CLSTN2: variants seen among roughly 807,000 people sequenced by gnomAD.
CLSTN2 encodes the protein calsyntenin 2.
In CLSTN2, 48 loss-of-function variants were observed where a neutral mutation model predicts 101.2. The ratio of observed to expected loss-of-function variants is 0.47; its 90% CI spans 0.38 to 0.60. CLSTN2 has a LOEUF of 0.60. CLSTN2 is among the 20% of genes least tolerant of loss of function. CLSTN2 has a pLI of 0.00. For synonymous variants in CLSTN2, 481 were observed against 463.6 expected, an observed-to-expected ratio of 1.04 and a Z score of -0.48; for missense variants, 1,160 against 1,238.2, an observed-to-expected ratio of 0.94 and a Z score of 0.95.
intron 2 of CLSTN2, among the ~76,000 whole-genome samples, chr3:140,256,664 G>A (rs901591601): frequency 2.0e-5 from 3 of 152,224 alleles, no homozygotes; most frequent in African/African-American, 7.2e-5. Flanking sequence ...TAGGAAAGGA[G>A]TGTTCCTCAA....
chr3:139,950,241 A>G (rs985343289), intron 1 of CLSTN2, among the ~76,000 whole-genome samples: 2 of 152,154 alleles, frequency 1.3e-5, no homozygotes, highest in South Asian at 2.1e-4. Context: ...GGCACTCTAC[A>G]TGGGGAAATA....
chr3:140,120,258 G>A (rs973937114), intron 1 of CLSTN2, among the ~76,000 whole-genome samples: 26 of 152,128 alleles, frequency 1.7e-4, no homozygotes, highest in East Asian at 3.9e-4. Context: ...TTTGGATGCC[G>A]TTAATTTGTT....
intron 1 of CLSTN2, among the ~76,000 whole-genome samples, chr3:140,006,189 G>A (rs2006949871): frequency 6.6e-6 from 1 of 152,162 alleles, no homozygotes; most frequent in Admixed American, 6.5e-5. Context: ...ATATTTATGA[G>A]CAGATGAATA....
At chr3:140,109,423 TG>T (rs1299042319) in intron 1 of CLSTN2, among the ~76,000 whole-genome samples, 3 of 152,104 alleles carry the variant, frequency 2.0e-5, no homozygotes, top group Non-Finnish European at 4.4e-5. Context: ...GTGCTCTAAT[TG>T]GGAGAGGTGC....
In CLSTN2 at chr3:140,466,706, C is replaced by T. The variant is rs1047973426; in HGVS notation, c.1319C>T (p.Ala440Val). 19 of 1,613,982 alleles carry T rather than the reference C, an allele frequency of 1.2e-5. No individual in the cohort carries two copies. The highest frequency in any genetic ancestry group is 4.0e-5 in the African/African-American group (3 of 74,926). The change falls in exon 8 of 17, where the codon GCG (alanine) becomes GTG (valine). Residue 440 changes from alanine to valine, a missense_variant. Ala to Val is a moderately conservative substitution (Grantham distance 64). Coordinates refer to ENST00000458420, the MANE Select transcript of CLSTN2 (RefSeq NM_022131.3). ...GACCAGGCTGACACCTTTCGCCCCG[C>T]GGAGTTCCACTGGAAGCTGGATCAG... ...DFDQADTFRP[A>V]EFHWKLDQIC...
chr3:140,068,773 T>C (rs147242952), intron 1 of CLSTN2, among the ~76,000 whole-genome samples: 116 of 152,348 alleles, frequency 7.6e-4, no homozygotes, highest in African/African-American at 2.8e-3. Context: ...CTATCATTCA[T>C]TAAACATCTA....
At chr3:139,961,569 A>G (rs939330883) in intron 1 of CLSTN2, among the ~76,000 whole-genome samples, 1 of 152,232 alleles carries the variant, frequency 6.6e-6, no homozygotes, top group Non-Finnish European at 1.5e-5. Flanking sequence ...AGAAAAAGGA[A>G]CATGGGTTCA....
At chr3:140,165,008 G>A (rs1187601705) in intron 1 of CLSTN2, among the ~76,000 whole-genome samples, 1 of 152,064 alleles carries the variant, frequency 6.6e-6, no homozygotes, top group African/African-American at 2.4e-5. Context: ...GCAATGTTCT[G>A]CCCCCACTGA....
At chr3:140,031,223 C>T (rs1323548135) in intron 1 of CLSTN2, among the ~76,000 whole-genome samples, 1 of 152,182 alleles carries the variant, frequency 6.6e-6, no homozygotes, top group African/African-American at 2.4e-5. Flanking sequence ...AACTGGACTT[C>T]ACATGCAGAA....
chr3:140,063,988 CA>C (rs2008256024), intron 1 of CLSTN2, among the ~76,000 whole-genome samples: 1 of 152,188 alleles, frequency 6.6e-6, no homozygotes, highest in Non-Finnish European at 1.5e-5. Context: ...AAGCCCCTGC[CA>C]GGGCCTTTGC....
Position 140,535,806 on chromosome 3 carries a change from C to A in CLSTN2, c.1507+3320C>A, listed in dbSNP as rs1576616686. Among the ~76,000 whole-genome samples, 5 of 152,328 alleles carry A rather than the reference C, an allele frequency of 3.3e-5. No individual in the cohort carries two copies. The South Asian group carries it at 1.0e-3, about 32-fold the overall frequency. Reference sequence around the variant, plus strand: ...AGTTGCTCAATTGAATATGCCCAACCTCAAGCCTCCAATGCCTATGCTCTT... The same window carrying A: ...AGTTGCTCAATTGAATATGCCCAACATCAAGCCTCCAATGCCTATGCTCTT... On this transcript the variant is annotated intron_variant, in intron 9 of 16. Transcript: ENST00000458420.
chr3:140,009,049 A>G (rs1326518738), intron 1 of CLSTN2, among the ~76,000 whole-genome samples: 1 of 152,254 alleles, frequency 6.6e-6, no homozygotes, highest in Admixed American at 6.5e-5. Flanking sequence ...TCCTTTTACT[A>G]ATATTTAACT....
chr3:140,119,700 G>C (rs956309849), intron 1 of CLSTN2, among the ~76,000 whole-genome samples: 1 of 152,122 alleles, frequency 6.6e-6, no homozygotes, highest in Non-Finnish European at 1.5e-5. Context: ...GTGGAGACAG[G>C]GTTTTGCCAT....
chr3:140,259,875 G>A (rs2086635309), intron 2 of CLSTN2, among the ~76,000 whole-genome samples: 1 of 152,028 alleles, frequency 6.6e-6, no homozygotes, highest in East Asian at 1.9e-4. Flanking sequence ...TCATAGATGA[G>A]GTGGTCTATT....
Position 139,935,928 on chromosome 3 carries a change from T to A in CLSTN2, c.109+445T>A, listed in dbSNP as rs1935012224. On this transcript the variant is annotated intron_variant, in intron 1 of 16. Coordinates refer to ENST00000458420, the MANE Select transcript of CLSTN2 (RefSeq NM_022131.3). The surrounding 1 kb of genome is among the most constrained non-coding windows in gnomAD (Gnocchi z 5.5). ...TGTGACTTGTCTCCCAGCTCGGGGA[T>A]GGAGTGGAAACTTGTAGGCTCCAGG... Among the ~76,000 whole-genome samples the A allele has an allele frequency of 6.6e-6, 1 of 151,972 alleles. No homozygotes were observed. The highest frequency in any genetic ancestry group is 2.4e-5 in the African/African-American group (1 of 41,408).
chr3:140,111,841 C>T (rs549466712), intron 1 of CLSTN2, among the ~76,000 whole-genome samples: 6 of 152,264 alleles, frequency 3.9e-5, no homozygotes, highest in East Asian at 1.9e-4. Flanking sequence ...TTCATATGCA[C>T]GATCTCATTT....
chr3:140,460,285 G>A (rs1265623550), intron 7 of CLSTN2: 1 of 161,624 alleles, frequency 6.2e-6, no homozygotes, highest in Non-Finnish European at 1.4e-5. Context: ...CTGAGCCTGT[G>A]CAAGAAGTTC....
At chr3:140,313,474 C>CATTTTGA (rs1473806540) in intron 2 of CLSTN2, among the ~76,000 whole-genome samples, 1 of 152,080 alleles carries the variant, frequency 6.6e-6, no homozygotes, top group Admixed American at 6.6e-5. Context: ...AGTGCAGTGT[C>CATTTTGA]ATTTTGAATT....
intron 1 of CLSTN2, among the ~76,000 whole-genome samples, chr3:140,060,318 G>T (rs1352250519): frequency 3.9e-5 from 6 of 152,176 alleles, no homozygotes; most frequent in Non-Finnish European, 8.8e-5. Flanking sequence ...AGCTCATGGA[G>T]TAGGGGCTGG....
Sources: gnomAD v4.1 joint callset for allele counts (sites outside exome capture counted in the v4.1 genomes callset) on GRCh38, gnomAD v4.1.1 for gene constraint, Gnocchi (gnomAD v3.1) non-coding constraint, MANE v1.5 for transcripts, NCBI Gene and HGNC (gene_info 2026-07-23, HGNC 2026-07-21) for gene names.